Variants in SH2D4A observed in about 807,000 individuals in gnomAD.
SH2D4A encodes SH2 domain-containing protein 4A.
SH2D4A carries 70 observed loss-of-function variants against 64.7 expected under a neutral mutation model. The ratio of observed to expected loss-of-function variants is 1.08; its 90% CI spans 0.89 to 1.32. SH2D4A has a LOEUF of 1.32. Among genes scored for constraint, SH2D4A ranks in the 40% most tolerant of loss-of-function variants. SH2D4A has a pLI of 0.00. For missense variants in SH2D4A, 706 were observed against 540.1 expected, an observed-to-expected ratio of 1.31 and a Z score of -3.04; for synonymous variants, 268 against 200.7, an observed-to-expected ratio of 1.34 and a Z score of -2.83.
At chr8:19,384,730 A>G (rs1471133936) in intron 8 of SH2D4A, among the ~76,000 whole-genome samples, 3 of 152,214 alleles carry the variant, frequency 2.0e-5, no homozygotes, top group African/African-American at 7.2e-5. Flanking sequence ...ATGCTTTTAA[A>G]GTTCCCCAAG....
chr8:19,355,635 T>C (rs2052780060), intron 4 of SH2D4A, among the ~76,000 whole-genome samples: 1 of 152,216 alleles, frequency 6.6e-6, no homozygotes, highest in Admixed American at 6.5e-5. Context: ...CTGAGCAAGC[T>C]CCACAACTCA....
At chr8:19,376,670 T>A (rs562076200) in intron 8 of SH2D4A, among the ~76,000 whole-genome samples, 5 of 152,072 alleles carry the variant, frequency 3.3e-5, no homozygotes, top group Admixed American at 3.3e-4. Context: ...AAAAAATCCT[T>A]CCCAGAGACA....
intron 8 of SH2D4A, among the ~76,000 whole-genome samples, chr8:19,392,172 T>C (rs547150494): frequency 2.9e-4 from 44 of 152,310 alleles, no homozygotes; most frequent in African/African-American, 1.0e-3. Context: ...GAGTGTGAAT[T>C]CCTGAGGCAT....
Position 19,333,125 on chromosome 8 carries a change from T to G in SH2D4A, c.341+11T>G. 6.2e-7 allele frequency: 1 copy of G among 1,600,912 alleles called. No homozygotes were observed. The highest frequency in any genetic ancestry group is 8.5e-7 in the Non-Finnish European group (1 of 1,176,482). ...GGCAGAAGAGCCCAGGTATGAGATC[T>G]GCAAACCAACCAGAGACTTAAAGAC... On this transcript the variant is annotated intron_variant, in intron 3 of 9. Coordinates refer to ENST00000265807, the MANE Select transcript of SH2D4A (RefSeq NM_022071.4).
At chr8:19,382,288 CAGT>C (rs2053306716) in intron 8 of SH2D4A, among the ~76,000 whole-genome samples, 4 of 152,214 alleles carry the variant, frequency 2.6e-5, no homozygotes, top group African/African-American at 9.6e-5. Context: ...AATCAAGAAT[CAGT>C]AGGATTCTTG....
At chr8:19,361,626 T>G (rs1290603874) in intron 6 of SH2D4A, among the ~76,000 whole-genome samples, 1 of 152,154 alleles carries the variant, frequency 6.6e-6, no homozygotes, top group Non-Finnish European at 1.5e-5. Flanking sequence ...TCTCATTAGC[T>G]TGGGGAAGAA....
rs1460079297 is a variant in SH2D4A, at chr8:19,333,114, G to T, written c.341G>T (p.Arg114Ile). The T allele has an allele frequency of 1.2e-6, 2 of 1,605,696 alleles. No homozygotes were observed. The highest frequency in any genetic ancestry group is 8.5e-7 in the Non-Finnish European group (1 of 1,177,858). ...GCAGAACAGGAGGCAGAAGAGCCCA[G>T]GTATGAGATCTGCAAACCAACCAGA... ...LKAEQEAEEP[R>I]KTHSEEFTNS... The change falls in exon 3 of 10, where the codon AGA (arginine) becomes ATA (isoleucine). Residue 114 changes from arginine (R) to isoleucine (I), a missense_variant and splice_region_variant. Transcript: ENST00000265807.
intron 7 of SH2D4A, among the ~76,000 whole-genome samples, chr8:19,369,800 T>G (rs2053063662): frequency 6.6e-6 from 1 of 152,086 alleles, no homozygotes; most frequent in Admixed American, 6.6e-5. Context: ...CACAGTTCTG[T>G]AGTCTCTATT....
intron 2 of SH2D4A, among the ~76,000 whole-genome samples, chr8:19,323,410 T>C (rs2052224197): frequency 6.6e-6 from 1 of 151,246 alleles, no homozygotes; most frequent in Non-Finnish European, 1.5e-5. Flanking sequence ...ACAGAGTCTC[T>C]TGCTCTGTCT....
rs2052745632 is a variant in SH2D4A at position 19,353,694 on chromosome 8, T to TA, written c.514-3509_514-3508insA. On this transcript the variant is annotated intron_variant, in intron 4 of 9. Coordinates refer to ENST00000265807, the MANE Select transcript of SH2D4A (RefSeq NM_022071.4). Reference sequence around the variant, plus strand: ...TAGCTGTTTTTTTTTTTTTTTTTTTTTAATAAAGGAAATAACTTTTGGATC... The same window carrying TA: ...TAGCTGTTTTTTTTTTTTTTTTTTTTATAATAAAGGAAATAACTTTTGGATC... Among the ~76,000 whole-genome samples the TA allele has an allele frequency of 4.0e-5, 6 of 148,994 alleles. No homozygotes were observed. In the East Asian group the frequency reaches 9.9e-4, roughly 24 times the overall value.
rs377754443 is a variant in SH2D4A, at chr8:19,395,856, A to AAGCTAATACAGTCGTTTATGTAAT, written c.*1215_*1238dup. On this transcript the variant is annotated 3_prime_UTR_variant, in exon 10 of 10. Transcript: ENST00000265807. ...GCTGACTTGTTACTATAGCCCCAGA[A>AAGCTAATACAGTCGTTTATGTAAT]AGCTAATACAGTCGTTTATGTAATT... 30 of 152,260 alleles carry AAGCTAATACAGTCGTTTATGTAAT rather than the reference A, an allele frequency of 2.0e-4. No individual in the cohort carries two copies. Among genetic ancestry groups the AAGCTAATACAGTCGTTTATGTAAT allele is most frequent in the African/African-American group, 7.0e-4 (29 of 41,554 alleles). The allele number at this position is 152,260 out of a possible 1,614,324, so 9.4% of individuals were successfully genotyped here. A position where few individuals can be genotyped will look rare whatever the true frequency, so the allele number is the denominator to read the frequency against.
At chr8:19,334,973 G>C (rs554748848) in intron 4 of SH2D4A, 116 bp downstream of exon 4, 51 of 1,226,406 alleles carry the variant, frequency 4.2e-5, no homozygotes, top group Admixed American at 3.3e-4. Context: ...TTTCTTGGGA[G>C]AAATGCCTCC....
intron 4 of SH2D4A, among the ~76,000 whole-genome samples, chr8:19,352,107 G>C (rs1402857748): frequency 1.3e-5 from 2 of 152,170 alleles, no homozygotes; most frequent in South Asian, 4.1e-4. Flanking sequence ...TAAACAAAGG[G>C]AATATTAAGT....
At chr8:19,320,706 C>A (rs923777772) in intron 2 of SH2D4A, among the ~76,000 whole-genome samples, 3 of 151,950 alleles carry the variant, frequency 2.0e-5, no homozygotes, top group South Asian at 4.2e-4. Context: ...CCTCCTCACT[C>A]CGTTCTCACT....
intron 2 of SH2D4A, among the ~76,000 whole-genome samples, chr8:19,326,540 G>C (rs2052283165): frequency 6.6e-6 from 1 of 152,158 alleles, no homozygotes; most frequent in South Asian, 2.1e-4. Flanking sequence ...GGAGGCCCTG[G>C]TGTTGACTCT....
At position 19,393,462 on chromosome 8, in the gene SH2D4A, C is replaced by T; in HGVS notation, c.1193C>T (p.Ala398Val). The T allele has an allele frequency of 2.5e-6, 4 of 1,614,254 alleles. No homozygotes were observed. Among genetic ancestry groups the T allele is most frequent in the Non-Finnish European group, 3.4e-6 (4 of 1,180,040 alleles). Reference protein sequence around the residue: ...EDGCKHFLIDASADAYSFLGV... With the variant: ...EDGCKHFLIDVSADAYSFLGV... ...GGCTGTAAACATTTCCTCATCGATG[C>T]CTCTGCAGACGCCTACAGCTTCCTG... The change falls in exon 9 of 10, where the codon GCC (alanine) becomes GTC (valine). Residue 398 changes from alanine (A) to valine (V), a missense_variant. By Grantham distance (64) the Ala-to-Val change is moderately conservative (BLOSUM62 0). Coordinates refer to ENST00000265807, the MANE Select transcript of SH2D4A (RefSeq NM_022071.4).
intron 2 of SH2D4A, among the ~76,000 whole-genome samples, chr8:19,325,811 A>G (rs1051003275): frequency 1.2e-4 from 19 of 152,366 alleles, no homozygotes; most frequent in Non-Finnish European, 2.4e-4. Flanking sequence ...ATTGTTACGT[A>G]TGCTAACAAA....
chr8:19,349,797 G>T (rs1051655467), intron 4 of SH2D4A, among the ~76,000 whole-genome samples: 13 of 152,192 alleles, frequency 8.5e-5, no homozygotes, highest in African/African-American at 3.1e-4. Flanking sequence ...TCTACCTCCA[G>T]TGTTCAAGTG....
intron 5 of SH2D4A, chr8:19,360,687 A>T (rs1481060507): frequency 1.3e-5 from 2 of 152,214 alleles, no homozygotes; most frequent in African/African-American, 4.8e-5. Context: ...TTTGGGACAC[A>T]TGACTCGGGG....
Sources: allele counts gnomAD v4.1 joint callset (sites outside exome capture counted in the v4.1 genomes callset), GRCh38; gene constraint gnomAD v4.1.1; transcripts MANE v1.5; gene names NCBI Gene and HGNC (gene_info 2026-07-23, HGNC 2026-07-21).